Variants in KIRREL3 observed in about 807,000 individuals in gnomAD.
KIRREL3 encodes kirre like nephrin family adhesion molecule 3.
A neutral mutation model predicts 89.7 loss-of-function variants in KIRREL3; 36 were observed. The observed-to-expected ratio is 0.40, with a 90% CI of 0.31 to 0.53. The LOEUF is 0.53. Among genes scored for constraint, KIRREL3 ranks in the 20% least tolerant of loss-of-function variants. The pLI, the probability that KIRREL3 is intolerant of heterozygous loss-of-function variation, is 0.49. For synonymous variants in KIRREL3, 445 were observed against 441.4 expected (o/e 1.01, Z -0.10); for missense variants, 864 against 1,056.6 (o/e 0.82, Z 2.53).
rs191539049 is a variant in KIRREL3 at position 126,596,539 on chromosome 11, G to A, written c.56-33627C>T. ...GACCTCGGCCCCAGGGCCAAGATAT[G>A]TTCTTGCCATGTTTCTTAGCTGCAT... is the stretch of plus-strand genomic sequence containing the variant. On this transcript the variant is annotated intron_variant, in intron 1 of 16. Transcript: ENST00000525144. 2.0e-4 allele frequency among the ~76,000 whole-genome samples: 30 copies of A among 152,336 alleles called. No homozygotes were observed. The East Asian group carries it at 5.8e-3, about 29-fold the overall frequency.
rs1470289589 is a variant in KIRREL3, at chr11:126,898,501, A to G, written c.55+101954T>C. On this transcript the variant is annotated intron_variant, in intron 1 of 16. Coordinates refer to ENST00000525144, the MANE Select transcript of KIRREL3 (RefSeq NM_032531.4). This position sits in a 1 kb window ranked among gnomAD's most constrained non-coding sequence, Gnocchi z 4.9. ...ACAGAATGGATAATGAAATTTTGTG[A>G]ATGCAGCAATTAGAAACAATGAAGT... Among the ~76,000 whole-genome samples the G allele has an allele frequency of 6.6e-6, 1 of 152,224 alleles. No individual in the cohort carries two copies.
rs567035502 is a variant in KIRREL3, at chr11:126,558,868, GTGTGTGCATGCA to G, written c.133+3955_133+3966del. The stretch of plus-strand genomic sequence containing the variant: ...TGTGCATGTGTATACATGTGTGCAG[GTGTGTGCATGCA>G]TGTGTGCATGTATACATATGCATGC... On this transcript the variant is annotated intron_variant, in intron 2 of 16. Coordinates refer to ENST00000525144, the MANE Select transcript of KIRREL3 (RefSeq NM_032531.4). The surrounding 1 kb of genome is among the most constrained non-coding windows in gnomAD (Gnocchi z 4.0). 6.7e-4 allele frequency among the ~76,000 whole-genome samples: 102 copies of G among 152,266 alleles called. No homozygotes were observed. Among genetic ancestry groups the G allele is most frequent in the East Asian group, 5.4e-3 (28 of 5,178 alleles).
Position 126,908,736 on chromosome 11 carries a change from G to A in KIRREL3, c.55+91719C>T, listed in dbSNP as rs1245343866. 1.3e-5 allele frequency among the ~76,000 whole-genome samples: 2 copies of A among 152,124 alleles called. No homozygotes were observed. Among genetic ancestry groups the A allele is most frequent in the African/African-American group, 4.8e-5 (2 of 41,432 alleles). On this transcript the variant is annotated intron_variant, in intron 1 of 16. Transcript: ENST00000525144. This position sits in a 1 kb window ranked among gnomAD's most constrained non-coding sequence, Gnocchi z 4.2. ...CAGTAGATTAAATATAATAGTTTCT[G>A]CTTTTATGGGGCCTATAGTCTAGGT...
rs1322953438 is a variant in KIRREL3, at chr11:126,977,953, T to A, written c.55+22502A>T. Reference sequence around the variant, plus strand: ...CATCCCTGTCTCCTTTTTCTTGGTGTCCTCACTCAGTTTCTGGGCACGACA... The same window carrying A: ...CATCCCTGTCTCCTTTTTCTTGGTGACCTCACTCAGTTTCTGGGCACGACA... On this transcript the variant is annotated intron_variant, in intron 1 of 16. Transcript: ENST00000525144. The surrounding 1 kb of genome is among the most constrained non-coding windows in gnomAD (Gnocchi z 4.7). Among the ~76,000 whole-genome samples, 1 of 152,114 alleles carries A rather than the reference T, an allele frequency of 6.6e-6. No individual in the cohort carries two copies. Among genetic ancestry groups the A allele is most frequent in the Non-Finnish European group, 1.5e-5 (1 of 68,026 alleles).
rs1955052795 is a variant in KIRREL3 at position 126,429,502 on chromosome 11, C to A, written c.1697-214G>T. 6.6e-6 allele frequency among the ~76,000 whole-genome samples: 1 copy of A among 152,228 alleles called. No homozygotes were observed. Among genetic ancestry groups the A allele is most frequent in the Non-Finnish European group, 1.5e-5 (1 of 68,050 alleles). ...CAGAGGAGGCTGACCCCATGGCCGGCCTGCCTCCTGTCACATGCCCCTCAG... is the reference window on the plus strand; with the variant it reads ...CAGAGGAGGCTGACCCCATGGCCGGACTGCCTCCTGTCACATGCCCCTCAG... On this transcript the variant is annotated intron_variant, in intron 14 of 16. Coordinates refer to ENST00000525144, the MANE Select transcript of KIRREL3 (RefSeq NM_032531.4). This position sits in a 1 kb window ranked among gnomAD's most constrained non-coding sequence, Gnocchi z 5.2.
intron 1 of KIRREL3, among the ~76,000 whole-genome samples, chr11:126,706,605 C>T (rs568885163): frequency 1.3e-5 from 2 of 152,252 alleles, no homozygotes; most frequent in Admixed American, 6.5e-5. Flanking sequence ...TATGAATGTG[C>T]CTGATTCCCC....
intron 2 of KIRREL3, chr11:126,549,582 C>G (rs1939095190): frequency 6.6e-6 from 1 of 152,232 alleles, no homozygotes; most frequent in African/African-American, 2.4e-5. Flanking sequence ...GGGCTTTCTT[C>G]AGACCCTGGG....
At position 126,776,922 on chromosome 11, in the gene KIRREL3, T is replaced by C. The variant is rs1950185412; in HGVS notation, c.56-214010A>G. ...TGCCCATGGGAAGCCTCCAAAAGTCTTGAAAGTTTGGATTTGCAATCACAG... is the reference window on the plus strand; with the variant it reads ...TGCCCATGGGAAGCCTCCAAAAGTCCTGAAAGTTTGGATTTGCAATCACAG... On this transcript the variant is annotated intron_variant, in intron 1 of 16. Transcript: ENST00000525144. The surrounding 1 kb of genome is among the most constrained non-coding windows in gnomAD (Gnocchi z 4.7). Among the ~76,000 whole-genome samples, 1 of 152,162 alleles carries C rather than the reference T, an allele frequency of 6.6e-6. No homozygotes were observed. Among genetic ancestry groups the C allele is most frequent in the Admixed American group, 6.5e-5 (1 of 15,280 alleles).
intron 1 of KIRREL3, among the ~76,000 whole-genome samples, chr11:126,585,218 C>CTT (rs1591778737): frequency 1.5e-5 from 2 of 130,578 alleles, no homozygotes; most frequent in African/African-American, 6.7e-5. Context: ...CGCGCCCGGC[C>CTT]TCTTTTTTTT....
In KIRREL3 at chr11:126,776,467, G is replaced by T. The variant is rs539369499; in HGVS notation, c.56-213555C>A. 1.5e-4 allele frequency among the ~76,000 whole-genome samples: 23 copies of T among 152,244 alleles called. No homozygotes were observed. The highest frequency in any genetic ancestry group is 4.6e-4 in the African/African-American group (19 of 41,540). Reference sequence around the variant, plus strand: ...TGAGAATCAAATGAAATGATTTGCAGCACCATAGCAGAGATATGGTGCTGC... The same window carrying T: ...TGAGAATCAAATGAAATGATTTGCATCACCATAGCAGAGATATGGTGCTGC... On this transcript the variant is annotated intron_variant, in intron 1 of 16. Transcript: ENST00000525144. The surrounding 1 kb of genome is among the most constrained non-coding windows in gnomAD (Gnocchi z 4.7).
In KIRREL3 at chr11:126,432,965, G is replaced by A. The variant is rs10893508; in HGVS notation, c.1589-1439C>T. Reference sequence around the variant, plus strand: ...ACGATCTCAGTTCACTGCAACCTCCGCCTCCTGGGTTCAAGCGATTCTCCT... The same window carrying A: ...ACGATCTCAGTTCACTGCAACCTCCACCTCCTGGGTTCAAGCGATTCTCCT... On this transcript the variant is annotated intron_variant, in intron 13 of 16. Coordinates refer to ENST00000525144, the MANE Select transcript of KIRREL3 (RefSeq NM_032531.4). This position sits in a 1 kb window ranked among gnomAD's most constrained non-coding sequence, Gnocchi z 6.2. Among the ~76,000 whole-genome samples, 33,251 of 152,110 alleles carry A rather than the reference G, an allele frequency of 0.22. 4,380 individuals are homozygous for A. The highest frequency in any genetic ancestry group is 0.64 in the East Asian group (3,265 of 5,122).
intron 10 of KIRREL3, among the ~76,000 whole-genome samples, chr11:126,442,347 C>A (rs1200046580): frequency 7.6e-6 from 1 of 132,256 alleles, no homozygotes; most frequent in African/African-American, 2.9e-5. Flanking sequence ...CACACACACA[C>A]ACACACAAAA....
chr11:126,886,951 C>T (rs1382491271), intron 1 of KIRREL3, among the ~76,000 whole-genome samples: 3 of 95,530 alleles, frequency 3.1e-5, no homozygotes, highest in African/African-American at 1.3e-4. Context: ...AAACTTTCAA[C>T]ATTCAAGAAA....
rs1164781251 is a variant in KIRREL3, at chr11:126,755,851, GAGAGGGAGA to G, written c.56-192948_56-192940del. 2.6e-4 allele frequency among the ~76,000 whole-genome samples: 37 copies of G among 141,024 alleles called. No homozygotes were observed. In the South Asian group the frequency reaches 5.6e-3, roughly 21 times the overall value. The allele number at this position is 141,024 out of a possible 152,430, so 92.5% of individuals were successfully genotyped here. Reference sequence around the variant, plus strand: ...AGAGAGAGAGAGAGAGAGAGAGAGAGAGAGGGAGAGAGGGAGAGAGAAAAAACAGAGAGA... The same window carrying G: ...AGAGAGAGAGAGAGAGAGAGAGAGAGGAGGGAGAGAGAAAAAACAGAGAGA... On this transcript the variant is annotated intron_variant, in intron 1 of 16. Coordinates refer to ENST00000525144, the MANE Select transcript of KIRREL3 (RefSeq NM_032531.4). This position sits in a 1 kb window ranked among gnomAD's most constrained non-coding sequence, Gnocchi z 4.3.
intron 4 of KIRREL3, among the ~76,000 whole-genome samples, chr11:126,518,386 C>T (rs1958482346): frequency 6.6e-6 from 1 of 152,222 alleles, no homozygotes; most frequent in Admixed American, 6.5e-5. Context: ...TCACTTGGTA[C>T]TTCGATGGAA....
intron 1 of KIRREL3, among the ~76,000 whole-genome samples, chr11:126,619,401 G>T (rs1004591566): frequency 6.6e-6 from 1 of 152,208 alleles, no homozygotes; most frequent in Non-Finnish European, 1.5e-5. Context: ...CCATAGCGAG[G>T]GCTTTGGATT....
chr11:126,842,276 C>T (rs1313192597), intron 1 of KIRREL3, among the ~76,000 whole-genome samples: 2 of 152,140 alleles, frequency 1.3e-5, no homozygotes, highest in South Asian at 2.1e-4. Flanking sequence ...GATGCCCCTG[C>T]TCAATCGGCC....
Position 126,614,013 on chromosome 11 carries a change from A to G in KIRREL3, c.56-51101T>C, listed in dbSNP as rs1314607291. ...TTTTAAGAATTGCTTTTGGCTCTTGATTTATGATGAGGTTCTTTTCTGTGT... is the reference window on the plus strand; with the variant it reads ...TTTTAAGAATTGCTTTTGGCTCTTGGTTTATGATGAGGTTCTTTTCTGTGT... On this transcript the variant is annotated intron_variant, in intron 1 of 16. Transcript: ENST00000525144. This position sits in a 1 kb window ranked among gnomAD's most constrained non-coding sequence, Gnocchi z 4.6. 6.6e-6 allele frequency among the ~76,000 whole-genome samples: 1 copy of G among 150,918 alleles called. No individual in the cohort carries two copies. Among genetic ancestry groups the G allele is most frequent in the South Asian group, 2.1e-4 (1 of 4,786 alleles).
At chr11:126,922,118 T>C (rs996895631) in intron 1 of KIRREL3, among the ~76,000 whole-genome samples, 1 of 129,456 alleles carries the variant, frequency 7.7e-6, no homozygotes, top group African/African-American at 2.9e-5. Context: ...TATCTATCTG[T>C]CTGTCTATCT....
Sources: gnomAD v4.1 joint callset for allele counts (sites outside exome capture counted in the v4.1 genomes callset) on GRCh38, gnomAD v4.1.1 for gene constraint, Gnocchi (gnomAD v3.1) non-coding constraint, MANE v1.5 for transcripts, NCBI Gene and HGNC (gene_info 2026-07-23, HGNC 2026-07-21) for gene names.